The following ITFG2 variants were observed in gnomAD, a reference collection of about 807,000 sequenced individuals.
ITFG2 encodes the protein integrin alpha FG-GAP repeat containing 2, also known as KICSTOR complex protein ITFG2.
Under a neutral mutation model 54.4 loss-of-function variants are expected in ITFG2, and 36 were observed. The ratio of observed to expected loss-of-function variants is 0.66; its 90% CI spans 0.51 to 0.87. The LOEUF is 0.87. Among genes scored for constraint, ITFG2 ranks in the 40% least tolerant of loss-of-function variants. The pLI is 0.00. For synonymous variants in ITFG2, 211 were observed against 225.4 expected (o/e 0.94, Z 0.57); for missense variants, 524 against 576.7 (o/e 0.91, Z 0.94).
chr12:2,831,293 C>A (rs936236417), downstream of ITFG2, among the ~76,000 whole-genome samples: 1 of 151,564 alleles, frequency 6.6e-6, no homozygotes, highest in African/African-American at 2.4e-5. Context: ...GTAAGAAACT[C>A]AAGAACTAGG....
intron 2 of ITFG2, chr12:2,848,992 A>G (rs772647317): frequency 1.9e-6 from 1 of 513,048 alleles, no homozygotes; most frequent in Non-Finnish European, 3.4e-6. Flanking sequence ...TCCTGGCCGC[A>G]GTCCTCCCAC....
At chr12:2,836,054 TAACA>T (rs747555418), upstream of ITFG2, among the ~76,000 whole-genome samples, 17 of 152,370 alleles carry the variant, frequency 1.1e-4, no homozygotes, top group Middle Eastern at 3.4e-3. Flanking sequence ...TTTTTAGGTC[TAACA>T]AACAATGCTG....
At chr12:2,816,981 G>A (rs1412912154) in intron 1 of ITFG2, among the ~76,000 whole-genome samples, 1 of 152,036 alleles carries the variant, frequency 6.6e-6, no homozygotes, top group East Asian at 1.9e-4. Context: ...TTGTAGAAAT[G>A]GGATCTTGCC....
At chr12:2,848,998 C>A (rs1365816406) in intron 2 of ITFG2, 1 of 536,260 alleles carries the variant, frequency 1.9e-6, no homozygotes, top group Non-Finnish European at 3.3e-6. Context: ...CCGCAGTCCT[C>A]CCACCTTCGA....
intron 2 of ITFG2, among the ~76,000 whole-genome samples, chr12:2,847,327 G>A (rs1209801804): frequency 6.6e-6 from 1 of 152,056 alleles, no homozygotes; most frequent in Non-Finnish European, 1.5e-5. Flanking sequence ...TCAGAACTTT[G>A]TCATCATCAT....
intron 2 of ITFG2, among the ~76,000 whole-genome samples, chr12:2,854,029 A>G (rs896601613): frequency 1.3e-5 from 2 of 151,964 alleles, no homozygotes; most frequent in African/African-American, 4.8e-5. Context: ...TTATTTAATT[A>G]ATTTATTTAT....
At chr12:2,840,777 C>T (rs1315755456) in intron 1 of ITFG2, 1 of 152,214 alleles carries the variant, frequency 6.6e-6, no homozygotes, top group African/African-American at 2.4e-5. Context: ...CAGAGCAAGA[C>T]TCCGTCTCAA....
At chr12:2,827,482 G>T (rs562888796), downstream of ITFG2, 7 of 1,536,866 alleles carry the variant, frequency 4.6e-6, no homozygotes, top group Admixed American at 6.5e-5. This position sits in a 1 kb window ranked among gnomAD's most constrained non-coding sequence, Gnocchi z 4.0. Context: ...TCACTTGGTG[G>T]TAAGTAAGGA....
chr12:2,842,906 C>T (rs933992176), intron 2 of ITFG2, among the ~76,000 whole-genome samples: 2 of 152,098 alleles, frequency 1.3e-5, no homozygotes, highest in African/African-American at 4.8e-5. Context: ...AGTTCATGCC[C>T]TCTTATCCAA....
At chr12:2,816,636 CTTTTTTTT>C (rs57417012) in intron 1 of ITFG2, among the ~76,000 whole-genome samples, 1 of 111,278 alleles carries the variant, frequency 9.0e-6, no homozygotes, top group Non-Finnish European at 1.8e-5. Flanking sequence ...GCCTTTTTTT[CTTTTTTTT>C]TTTTTTTTTT....
chr12:2,827,598 G>A (rs780987261), downstream of ITFG2: 13 of 1,613,990 alleles, frequency 8.1e-6, no homozygotes, highest in South Asian at 1.3e-4. The surrounding 1 kb of genome is among the most constrained non-coding windows in gnomAD (Gnocchi z 4.0). Flanking sequence ...CCAGTGCTTT[G>A]GGTCAGGCCC....
At position 2,822,925 on chromosome 12, in the gene ITFG2, C is replaced by T; in HGVS notation, c.1066+14C>T. ...CCTTCTGTGCAGGTGACCCCCGCCC[C>T]CATGGCCCCTTTCTAACCACACTTA... On this transcript the variant is annotated intron_variant, in intron 10 of 11. Transcript: ENST00000228799. 2.5e-6 allele frequency: 4 copies of T among 1,598,130 alleles called. No homozygotes were observed. The highest frequency in any genetic ancestry group is 3.4e-6 in the Non-Finnish European group (4 of 1,165,466).
At chr12:2,846,203 G>A (rs925495281) in intron 2 of ITFG2, among the ~76,000 whole-genome samples, 5 of 152,226 alleles carry the variant, frequency 3.3e-5, no homozygotes, top group African/African-American at 7.2e-5. Flanking sequence ...GTGGTGGGGC[G>A]GGGTGAAGTC....
At chr12:2,820,005 G>A in intron 4 of ITFG2, 81 bp from the exon 5 acceptor site, 1 of 1,521,332 alleles carries the variant, frequency 6.6e-7, no homozygotes, top group South Asian at 1.3e-5. Context: ...AAGCCGCACT[G>A]GCTGGAAGGT....
intron 2 of ITFG2, among the ~76,000 whole-genome samples, chr12:2,843,058 G>A (rs951772560): frequency 4.6e-5 from 7 of 152,198 alleles, no homozygotes; most frequent in Admixed American, 1.3e-4. Context: ...GGGATGGAGA[G>A]GAGAGCTCCT....
chr12:2,829,553 C>T (rs1356701460), downstream of ITFG2, among the ~76,000 whole-genome samples: 2 of 152,064 alleles, frequency 1.3e-5, no homozygotes, highest in African/African-American at 2.4e-5. Context: ...GTGGAAGGAT[C>T]GCTTGAGGCC....
chr12:2,827,717 C>T (rs2097975677), downstream of ITFG2: 12 of 1,613,196 alleles, frequency 7.4e-6, no homozygotes, highest in Non-Finnish European at 1.0e-5. This position sits in a 1 kb window ranked among gnomAD's most constrained non-coding sequence, Gnocchi z 4.0. Context: ...CTGAGGGTTC[C>T]CAGTGGTCAC....
intron 2 of ITFG2, chr12:2,849,124 A>T (rs1398134696): frequency 1.7e-6 from 2 of 1,208,626 alleles, no homozygotes; most frequent in Non-Finnish European, 2.2e-6. Context: ...GTTCTGCAGA[A>T]GCCAGAGTCC....
At chr12:2,842,368 G>T (rs537179135) in intron 2 of ITFG2, among the ~76,000 whole-genome samples, 1 of 150,022 alleles carries the variant, frequency 6.7e-6, no homozygotes, top group South Asian at 2.1e-4. Context: ...TAATCCACCC[G>T]CCTCGGCCTC....
Sources: gnomAD v4.1 joint callset for allele counts (sites outside exome capture counted in the v4.1 genomes callset) on GRCh38, gnomAD v4.1.1 for gene constraint, Gnocchi (gnomAD v3.1) non-coding constraint, MANE v1.5 for transcripts, NCBI Gene and HGNC (gene_info 2026-07-23, HGNC 2026-07-21) for gene names.